The following RNF4 variants were observed in gnomAD, a reference collection of about 807,000 sequenced individuals.
RNF4 encodes ring finger protein 4.
A neutral mutation model predicts 24.3 loss-of-function variants in RNF4; 7 were observed. The ratio of observed to expected loss-of-function variants is 0.29; its 90% CI spans 0.16 to 0.54. RNF4 has a LOEUF of 0.54. RNF4 is among the 20% of genes least tolerant of loss of function. The pLI is 0.95. For missense variants in RNF4, 209 were observed against 248.5 expected, an observed-to-expected ratio of 0.84 and a Z score of 1.07; for synonymous variants, 83 against 84.3, an observed-to-expected ratio of 0.98 and a Z score of 0.09.
At position 2,495,619 on chromosome 4, in the gene RNF4, T is replaced by C. The variant is rs1279727888; in HGVS notation, c.10-1388T>C. ...TGGGAATACAAGGTGACAGGCTCTG[T>C]TGGGAAGCTCTTTTTTTTTTGGGGG... is the stretch of plus-strand genomic sequence containing the variant. On this transcript the variant is annotated intron_variant, in intron 2 of 7. Transcript: ENST00000314289. 3.0e-5 allele frequency among the ~76,000 whole-genome samples: 4 copies of C among 131,490 alleles called. No individual in the cohort carries two copies. In the East Asian group the frequency reaches 6.9e-4, roughly 23 times the overall value. The allele number at this position is 131,490 out of a possible 152,430, so 86.3% of individuals were successfully genotyped here.
At chr4:2,499,305 T>C (rs1735839897) in intron 3 of RNF4, 1 of 451,662 alleles carries the variant, frequency 2.2e-6, no homozygotes, top group African/African-American at 2.0e-5. Context: ...GTTTGTTTGT[T>C]TTTGAGATGG....
Position 2,512,129 on chromosome 4 carries a change from C to T in RNF4, c.214+164C>T. On this transcript the variant is annotated intron_variant, in intron 5 of 7. Coordinates refer to ENST00000314289, the MANE Select transcript of RNF4 (RefSeq NM_002938.5). This position sits in a 1 kb window ranked among gnomAD's most constrained non-coding sequence, Gnocchi z 4.1. ...TGGTCAGACCCACACAGCCAGTCCCCCTTGTGCCTGCTGAAGAAACTTCAC... is the reference window on the plus strand; with the variant it reads ...TGGTCAGACCCACACAGCCAGTCCCTCTTGTGCCTGCTGAAGAAACTTCAC... 1.5e-6 allele frequency: 1 copy of T among 668,192 alleles called. No homozygotes were observed. The allele number at this position is 668,192 out of a possible 1,614,324, so 41.4% of individuals were successfully genotyped here. A position where few individuals can be genotyped will look rare whatever the true frequency, so the allele number is the denominator to read the frequency against.
chr4:2,508,799 G>T (rs1004195895), intron 4 of RNF4, among the ~76,000 whole-genome samples: 2 of 151,184 alleles, frequency 1.3e-5, no homozygotes, highest in African/African-American at 2.4e-5. Flanking sequence ...TTTAGTAGAG[G>T]CGGGGTTTCT....
intron 4 of RNF4, among the ~76,000 whole-genome samples, chr4:2,506,588 A>AAC (rs1736109410): frequency 6.7e-6 from 1 of 149,508 alleles, no homozygotes; most frequent in Admixed American, 6.7e-5. Context: ...TTTCCCTTGA[A>AAC]ACAGGGTCTC....
At position 2,512,558 on chromosome 4, in the gene RNF4, C is replaced by A. The variant is rs1736298718; in HGVS notation, c.335C>A (p.Thr112Asn). Residue 112 changes from threonine (T) to asparagine (N), a missense_variant, in exon 6 of 8, where the codon ACT becomes AAT. Transcript: ENST00000314289. This position sits in a 1 kb window ranked among gnomAD's most constrained non-coding sequence, Gnocchi z 4.1. ...AGAGACGTATATGTGACTACCCATA[C>A]TCCCAGAAACGCCAGGGATGAGGGC... Reference protein sequence around the residue: ...RDRDVYVTTHTPRNARDEGAT... With the variant: ...RDRDVYVTTHNPRNARDEGAT... 2 of 1,613,944 alleles carry A rather than the reference C, an allele frequency of 1.2e-6. No individual in the cohort carries two copies. The highest frequency in any genetic ancestry group is 1.7e-6 in the Non-Finnish European group (2 of 1,179,836).
chr4:2,509,337 C>A (rs1287858742), intron 4 of RNF4, among the ~76,000 whole-genome samples: 1 of 151,874 alleles, frequency 6.6e-6, no homozygotes, highest in Non-Finnish European at 1.5e-5. Flanking sequence ...CCTGCTTCAG[C>A]CTCCCAAGTA....
intron 1 of RNF4, among the ~76,000 whole-genome samples, chr4:2,476,142 T>G (rs543928524): frequency 3.9e-5 from 6 of 152,308 alleles, no homozygotes; most frequent in Admixed American, 1.3e-4. Context: ...TAAGGGAAGT[T>G]GTCCTAGGGC....
Position 2,512,482 on chromosome 4 carries a change from C to A in RNF4, c.259C>A (p.His87Asn). ...GAATGCTAGGAGGCTGCCCCAGGAC[C>A]ATGCTGACAGCTGTGTGGTGAGCAG... ...RRNARRLPQD[H>N]ADSCVVSSDD... Residue 87 changes from histidine to asparagine, a missense_variant, in exon 6 of 8, where the codon CAT becomes AAT. This residue lies in a region of RNF4 where 182 missense variants were observed against 197.2 expected (regional missense o/e 0.92). Transcript: ENST00000314289. This position sits in a 1 kb window ranked among gnomAD's most constrained non-coding sequence, Gnocchi z 4.1. 1.2e-6 allele frequency: 2 copies of A among 1,613,690 alleles called. No homozygotes were observed. Among genetic ancestry groups the A allele is most frequent in the Non-Finnish European group, 1.7e-6 (2 of 1,179,748 alleles).
Position 2,500,705 on chromosome 4 carries a change from G to A in RNF4, c.171G>A (p.Val57=). The A allele has an allele frequency of 6.2e-7, 1 of 1,613,908 alleles. No individual in the cohort carries two copies. The highest frequency in any genetic ancestry group is 8.5e-7 in the Non-Finnish European group (1 of 1,179,834). ...VDLTCESLEP[V]VVDLTHNDSV... is the part of the protein sequence containing the mutation. ...TCACTTGTGAATCTTTAGAGCCTGT[G>A]GTGGTTGATCTGACTCACAATGACT... The change falls in exon 4 of 8, where the codon GTG becomes GTA. Residue 57 remains valine, a synonymous_variant. Transcript: ENST00000314289.
intron 4 of RNF4, among the ~76,000 whole-genome samples, chr4:2,510,652 C>T (rs894280847): frequency 5.3e-5 from 8 of 152,226 alleles, no homozygotes; most frequent in Non-Finnish European, 1.0e-4. Context: ...AGGATTAGAG[C>T]TTCTTGTCAC....
chr4:2,484,701 C>A (rs1411257860), intron 1 of RNF4, among the ~76,000 whole-genome samples: 1 of 152,000 alleles, frequency 6.6e-6, no homozygotes, highest in Admixed American at 6.6e-5. Flanking sequence ...TTACTTAGAC[C>A]TTAAATAATA....
intron 1 of RNF4, among the ~76,000 whole-genome samples, chr4:2,477,327 C>G (rs966861765): frequency 1.3e-5 from 2 of 152,072 alleles, no homozygotes; most frequent in Non-Finnish European, 2.9e-5. Flanking sequence ...TGGCTGATGC[C>G]TGTAATCCCA....
At chr4:2,472,608 A>G in intron 1 of RNF4, among the ~76,000 whole-genome samples, 1 of 150,942 alleles carries the variant, frequency 6.6e-6, no homozygotes, top group East Asian at 1.9e-4. Context: ...TCTTAAAAAA[A>G]AAAAAAAAAA....
chr4:2,489,327 A>G (rs979019924), intron 1 of RNF4, among the ~76,000 whole-genome samples: 1 of 152,218 alleles, frequency 6.6e-6, no homozygotes, highest in Non-Finnish European at 1.5e-5. Context: ...AATGGTGCAC[A>G]GGAGGATGAC....
intron 4 of RNF4, among the ~76,000 whole-genome samples, chr4:2,504,726 A>ATTTTTT (rs1182588172): frequency 4.9e-5 from 3 of 61,116 alleles, no homozygotes; most frequent in East Asian, 4.6e-4. Flanking sequence ...CATTTTTTGT[A>ATTTTTT]TTTTTTTTTT....
At chr4:2,491,319 C>G (rs1208775020) in intron 2 of RNF4, among the ~76,000 whole-genome samples, 1 of 152,188 alleles carries the variant, frequency 6.6e-6, no homozygotes, top group Non-Finnish European at 1.5e-5. Flanking sequence ...TCACTGCAAC[C>G]TCCACGTTCT....
In RNF4 at chr4:2,513,136, G is replaced by A. The variant is rs773120739; in HGVS notation, c.423+5G>A. On this transcript the variant is annotated splice_donor_5th_base_variant and intron_variant, in intron 7 of 7. Coordinates refer to ENST00000314289, the MANE Select transcript of RNF4 (RefSeq NM_002938.5). ...TGCATGGACGGATACTCAGAGGTAAGTAAACCAAGCTGTATCTTCCAGGCT... is the reference window on the plus strand; with the variant it reads ...TGCATGGACGGATACTCAGAGGTAAATAAACCAAGCTGTATCTTCCAGGCT... 1.9e-6 allele frequency: 3 copies of A among 1,613,448 alleles called. No individual in the cohort carries two copies. Among genetic ancestry groups the A allele is most frequent in the Middle Eastern group, 3.3e-4 (2 of 6,062 alleles).
At chr4:2,485,419 A>G (rs1249213924) in intron 1 of RNF4, among the ~76,000 whole-genome samples, 2 of 152,118 alleles carry the variant, frequency 1.3e-5, no homozygotes, top group African/African-American at 2.4e-5. Context: ...TGAAATCTCT[A>G]CGTCCATCCG....
chr4:2,478,451 C>A (rs879779101), intron 1 of RNF4, among the ~76,000 whole-genome samples: 5 of 152,212 alleles, frequency 3.3e-5, no homozygotes, highest in Non-Finnish European at 5.9e-5. Flanking sequence ...CATCATAGGC[C>A]CAGATGCCCA....
Sources: gnomAD v4.1 joint callset for allele counts (sites outside exome capture counted in the v4.1 genomes callset) on GRCh38, gnomAD v4.1.1 for gene constraint, gnomAD v4.1.1 regional missense constraint, Gnocchi (gnomAD v3.1) non-coding constraint, MANE v1.5 for transcripts, NCBI Gene and HGNC (gene_info 2026-07-23, HGNC 2026-07-21) for gene names.